Variants in ZNF768 observed in about 807,000 individuals in gnomAD.
ZNF768 encodes zinc finger protein 768.
A neutral mutation model predicts 39.7 loss-of-function variants in ZNF768; 12 were observed. That is an observed-to-expected ratio of 0.30 (90% CI 0.19 to 0.49). The LOEUF (loss-of-function observed/expected upper bound fraction) is 0.49, where lower values mean the gene tolerates loss of function less well. Ranked by LOEUF, ZNF768 falls within the 20% of genes least tolerant of loss-of-function variation. The probability of loss-of-function intolerance (pLI) is 0.99; values close to 1 mark genes in which losing one functional copy is unlikely to be tolerated. For synonymous variants in ZNF768, 360 were observed against 288.4 expected, an observed-to-expected ratio of 1.25 and a Z score of -2.52; for missense variants, 613 against 723.2, an observed-to-expected ratio of 0.85 and a Z score of 1.75.
rs1284462152 is a variant in ZNF768 at position 30,524,524 on chromosome 16, C to T, written c.1616G>A (p.Arg539Gln). 2.5e-6 allele frequency: 4 copies of T among 1,606,756 alleles called. No homozygotes were observed. Among genetic ancestry groups the T allele is most frequent in the Non-Finnish European group, 3.4e-6 (4 of 1,178,398 alleles). Residue 539 changes from arginine (R) to glutamine (Q), a missense_variant, in exon 2 of 2, where the codon CGG (arginine) becomes CAG (glutamine). Arg to Gln is a conservative substitution (Grantham distance 43). Around this residue, in one of 4 missense-constraint regions of ZNF768, gnomAD observed 204 missense variants for 281.7 expected, o/e 0.72. Coordinates refer to ENST00000380412, the MANE Select transcript of ZNF768 (RefSeq NM_024671.4). Reference protein sequence around the residue: ...IRHQRTHAAGRR With the variant: ...IRHQRTHAAGQR The stretch of plus-strand genomic sequence containing the variant: ...CCCTGCTGGGGCCCCAGGTCAGCGC[C>T]GGCCCGCCGCGTGGGTCCGCTGGTG...
Position 30,525,591 on chromosome 16 carries a change from CTT to C in ZNF768, c.547_548del (p.Lys183GlufsTer34). On this transcript the variant is annotated frameshift_variant, in exon 2 of 2. Transcript: ENST00000380412. LOFTEE classifies it high-confidence loss of function. ...GAEMLLNPEE[K>X]SPLNISVGVH... is the part of the protein sequence containing the mutation. Reference sequence around the variant, plus strand: ...CTCCTACGGAGATATTCAAAGGACTCTTTTCCTCGGGGTTCAGAAGCATCTCC... The same window carrying C: ...CTCCTACGGAGATATTCAAAGGACTCTTCCTCGGGGTTCAGAAGCATCTCC... 1 of 1,614,252 alleles carries C rather than the reference CTT, an allele frequency of 6.2e-7. No homozygotes were observed.
upstream of ZNF768, among the ~76,000 whole-genome samples, chr16:30,528,569 A>C (rs2051347412): frequency 6.6e-6 from 1 of 152,168 alleles, no homozygotes; most frequent in Non-Finnish European, 1.5e-5. Context: ...ATAATAATAA[A>C]GGCTTACAAA....
upstream of ZNF768, chr16:30,530,722 C>T (rs1597121066): frequency 6.6e-6 from 1 of 152,292 alleles, no homozygotes; most frequent in African/African-American, 2.4e-5. This position sits in a 1 kb window ranked among gnomAD's most constrained non-coding sequence, Gnocchi z 4.4. Context: ...AAACTTCTAC[C>T]TCCTTTCAGG....
In ZNF768 at chr16:30,525,311, T is replaced by G. The variant is rs776231152; in HGVS notation, c.829A>C (p.Ile277Leu). The G allele has an allele frequency of 6.2e-6, 10 of 1,614,184 alleles. 1 individual carries two copies. In the South Asian group the frequency reaches 9.9e-5, roughly 16 times the overall value. The change falls in exon 2 of 2, where the codon ATC becomes CTC. Residue 277 changes from isoleucine to leucine, a missense_variant. Coordinates refer to ENST00000380412, the MANE Select transcript of ZNF768 (RefSeq NM_024671.4). Reference protein sequence around the residue: ...GKSFGRGSTLIQHQRIHTGEK... With the variant: ...GKSFGRGSTLLQHQRIHTGEK... The stretch of plus-strand genomic sequence containing the variant: ...CCGGTGTGGATGCGCTGGTGCTGGA[T>G]CAGGGTGGAGCCCCGCCCGAAGCTC...
Position 30,525,020 on chromosome 16 carries a change from T to G in ZNF768, c.1120A>C (p.Ser374Arg). 6.2e-7 allele frequency: 1 copy of G among 1,614,098 alleles called. No individual in the cohort carries two copies. The highest frequency in any genetic ancestry group is 1.3e-5 in the African/African-American group (1 of 75,026). The change falls in exon 2 of 2, where the codon AGC (serine) becomes CGC (arginine). Residue 374 changes from serine (S) to arginine (R), a missense_variant. Ser to Arg is a moderately radical substitution (Grantham distance 110). Transcript: ENST00000380412. Reference protein sequence around the residue: ...QRTHSHERPYSCTECGKCYSQ... With the variant: ...QRTHSHERPYRCTECGKCYSQ... ...TAGCACTTGCCGCACTCGGTGCAGC[T>G]GTAGGGCCGCTCGTGGCTGTGGGTG...
Position 30,526,466 on chromosome 16 carries a change from C to G in ZNF768, c.-53G>C. 1 of 1,473,922 alleles carries G rather than the reference C, an allele frequency of 6.8e-7. No homozygotes were observed. Among genetic ancestry groups the G allele is most frequent in the Non-Finnish European group, 9.0e-7 (1 of 1,111,360 alleles). The allele number at this position is 1,473,922 out of a possible 1,614,324, so 91.3% of individuals were successfully genotyped here. A position where few individuals can be genotyped will look rare whatever the true frequency, so the allele number is the denominator to read the frequency against. On this transcript the variant is annotated 5_prime_UTR_variant, in exon 1 of 2. Transcript: ENST00000380412. ...CGGCGATGGCGGCCGATCCCGCGAC[C>G]CGGCCTCGGTTGCCCCGAGCCGCGG...
chr16:30,526,400 G>C lies in ZNF768; in HGVS notation c.14C>G (p.Ala5Gly). ...CTGGGGCTCGAGGCCCCACGGCAAC[G>C]CCTCCCGCTCCATCCCCGCGGGCTC... The part of the protein sequence containing the change: MERE[A>G]LPWGLEPQDV... Residue 5 changes from alanine to glycine, a missense_variant, in exon 1 of 2, where the codon GCG (alanine) becomes GGG (glycine). This residue lies in a region of ZNF768 where 347 missense variants were observed against 326.1 expected (regional missense o/e 1.06). Transcript: ENST00000380412. 1 of 1,597,592 alleles carries C rather than the reference G, an allele frequency of 6.3e-7. No individual in the cohort carries two copies. The highest frequency in any genetic ancestry group is 8.5e-7 in the Non-Finnish European group (1 of 1,173,518).
At chr16:30,531,259 G>A (rs759374232), upstream of ZNF768, 3 of 152,224 alleles carry the variant, frequency 2.0e-5, no homozygotes, top group Non-Finnish European at 4.4e-5. Flanking sequence ...ACAGTAAGTT[G>A]GGAGTTCTGG....
chr16:30,526,212 G>C (rs565374077), intron 1 of ZNF768, 114 bp downstream of exon 1: 223 of 1,537,192 alleles, frequency 1.5e-4, no homozygotes, highest in Admixed American at 7.6e-4. Context: ...AGTCCCCGCC[G>C]GCCCCTCCTT....
Position 30,524,372 on chromosome 16 carries a change from A to G in ZNF768, c.*145T>C, listed in dbSNP as rs113035272. On this transcript the variant is annotated 3_prime_UTR_variant, in exon 2 of 2. Coordinates refer to ENST00000380412, the MANE Select transcript of ZNF768 (RefSeq NM_024671.4). The stretch of plus-strand genomic sequence containing the variant: ...TTCCCACAAGTCTCCAGGGCATGTC[A>G]CTTCCTCCACCCTGGTTCTCTTCTT... 2.9e-5 allele frequency: 39 copies of G among 1,333,594 alleles called. No homozygotes were observed. In the East Asian group the frequency reaches 5.8e-4, roughly 20 times the overall value. 82.6% of individuals were successfully genotyped at this position (1,333,594 alleles called of 1,614,324 possible). A position where few individuals can be genotyped will look rare whatever the true frequency, so the allele number is the denominator to read the frequency against.
chr16:30,532,344 G>T, the ZNF768 span: 1 of 843,364 alleles, frequency 1.2e-6, no homozygotes, highest in Non-Finnish European at 1.8e-6. Context: ...GGTGCTGGCA[G>T]AAGAGGCTGC....
Position 30,525,858 on chromosome 16 carries a change from C to A in ZNF768, c.282G>T (p.Val94=). ...TGGGTGCAAACTCAGGGCTTGGGGG[C>A]ACAAGCCCAGGGCTTCGGGACTCAA... The part of the protein sequence containing the change: ...PGFESRSPGL[V]PPSPEFAPRS... Residue 94 remains valine (V), a synonymous_variant, in exon 2 of 2, where the codon GTG becomes GTT. Coordinates refer to ENST00000380412, the MANE Select transcript of ZNF768 (RefSeq NM_024671.4). The A allele has an allele frequency of 6.6e-7, 1 of 1,524,080 alleles. No homozygotes were observed. The highest frequency in any genetic ancestry group is 8.8e-7 in the Non-Finnish European group (1 of 1,140,288). 94.4% of individuals were successfully genotyped at this position (1,524,080 alleles called of 1,614,324 possible).
Position 30,525,515 on chromosome 16 carries a change from C to A in ZNF768, c.625G>T (p.Asp209Tyr), listed in dbSNP as rs759860061. The change falls in exon 2 of 2, where the codon GAC becomes TAC. Residue 209 changes from aspartate to tyrosine, a missense_variant. Physicochemically the swap from Asp to Tyr is radical, Grantham distance 160. Transcript: ENST00000380412. ...TCAAAAGGTGGCCCTATGGGCAGGT[C>A]CCCTGTGGGCTGCTCCCCAAACCCC... ...TQGFGEQPTG[D>Y]LPIGPPFEMP... 1 of 1,614,176 alleles carries A rather than the reference C, an allele frequency of 6.2e-7. No homozygotes were observed. Among genetic ancestry groups the A allele is most frequent in the South Asian group, 1.1e-5 (1 of 91,086 alleles).
upstream of ZNF768, chr16:30,527,164 G>C (rs1159064276): frequency 5.1e-6 from 5 of 985,224 alleles, no homozygotes; most frequent in African/African-American, 1.7e-5. Context: ...CCGGGCCTCC[G>C]GGTCAGCTCC....
chr16:30,524,538 G>A lies in ZNF768; in HGVS notation c.1602C>T (p.Thr534=), dbSNP rs1237177117. The change falls in exon 2 of 2, where the codon ACC becomes ACT. Residue 534 remains threonine (T), a synonymous_variant. Transcript: ENST00000380412. The part of the protein sequence containing the change: ...QSSDLIRHQR[T]HAAGRR ...CAGGTCAGCGCCGGCCCGCCGCGTG[G>A]GTCCGCTGGTGGCGGATGAGGTCGG... The A allele has an allele frequency of 3.7e-6, 6 of 1,609,976 alleles. No homozygotes were observed. The South Asian group carries it at 5.5e-5, about 15-fold the overall frequency.
rs1597118100 is a variant in ZNF768, at chr16:30,525,411, T to G, written c.729A>C (p.Arg243=). 6 of 1,614,120 alleles carry G rather than the reference T, an allele frequency of 3.7e-6. No individual in the cohort carries two copies. Among genetic ancestry groups the G allele is most frequent in the Non-Finnish European group, 5.1e-6 (6 of 1,180,030 alleles). ...QNPLGLTGAL[R]GPGRRGGRAR... The stretch of plus-strand genomic sequence containing the variant: ...CCCGGCCACCCCGCCGACCTGGACC[T>G]CGAAGGGCTCCTGTGAGACCCAGGG... Residue 243 remains arginine (R), a synonymous_variant, in exon 2 of 2, where the codon CGA becomes CGC. Coordinates refer to ENST00000380412, the MANE Select transcript of ZNF768 (RefSeq NM_024671.4).
Position 30,524,104 on chromosome 16 carries a change from C to T in ZNF768, c.*413G>A, listed in dbSNP as rs1597116991. On this transcript the variant is annotated 3_prime_UTR_variant, in exon 2 of 2. Transcript: ENST00000380412. The stretch of plus-strand genomic sequence containing the variant: ...TGCACGCAGAGGCCCAGGCCCCACC[C>T]CGGGGCCCCACTCCCCACCCCACCT... 2 of 199,680 alleles carry T rather than the reference C, an allele frequency of 1.0e-5. No homozygotes were observed. The highest frequency in any genetic ancestry group is 2.5e-4 in the East Asian group (2 of 7,872). The allele number at this position is 199,680 out of a possible 1,614,324, so 12.4% of individuals were successfully genotyped here.
Position 30,525,541 on chromosome 16 carries a change from T to C in ZNF768, c.599A>G (p.Gln200Arg). Residue 200 changes from glutamine (Q) to arginine (R), a missense_variant, in exon 2 of 2, where the codon CAG becomes CGG. Gln to Arg is a conservative substitution (Grantham distance 43, BLOSUM62 1). This residue lies in a region of ZNF768 where 347 missense variants were observed against 326.1 expected (regional missense o/e 1.06). Transcript: ENST00000380412. ...VGVHPLDSFT[Q>R]GFGEQPTGDL... is the part of the protein sequence containing the mutation. ...CCCTGTGGGCTGCTCCCCAAACCCCTGAGTGAAGGAGTCCAGGGGGTGAAC... is the reference window on the plus strand; with the variant it reads ...CCCTGTGGGCTGCTCCCCAAACCCCCGAGTGAAGGAGTCCAGGGGGTGAAC... The C allele has an allele frequency of 6.2e-7, 1 of 1,614,216 alleles. No homozygotes were observed. Among genetic ancestry groups the C allele is most frequent in the South Asian group, 1.1e-5 (1 of 91,090 alleles).
upstream of ZNF768, chr16:30,527,340 C>T (rs2051336925): frequency 1.0e-6 from 1 of 980,864 alleles, no homozygotes; most frequent in East Asian, 1.1e-4. Flanking sequence ...CCTCCTCCCT[C>T]CTCGAGGGCT....
Sources: allele counts gnomAD v4.1 joint callset (sites outside exome capture counted in the v4.1 genomes callset), GRCh38; gene constraint gnomAD v4.1.1; regional missense constraint gnomAD v4.1.1; non-coding constraint Gnocchi (gnomAD v3.1); transcripts MANE v1.5; gene names NCBI Gene and HGNC (gene_info 2026-07-23, HGNC 2026-07-21).